GNAO1: variants seen among roughly 807,000 people sequenced by gnomAD.
GNAO1 encodes guanine nucleotide-binding protein G(o) subunit alpha.
For synonymous variants in GNAO1, 164 were observed against 180.7 expected, an observed-to-expected ratio of 0.91 and a Z score of 0.74; for missense variants, 166 against 478.7, an observed-to-expected ratio of 0.35 and a Z score of 6.10.
intron 2 of GNAO1, among the ~76,000 whole-genome samples, chr16:56,221,754 A>G (rs1231376891): frequency 6.6e-6 from 1 of 151,804 alleles, no homozygotes; most frequent in Non-Finnish European, 1.5e-5. Flanking sequence ...GGAAGCTTGT[A>G]CCACGGGGTA....
chr16:56,311,458 AC>A lies in GNAO1; in HGVS notation c.304-17170del, dbSNP rs1182935034. On this transcript the variant is annotated intron_variant, in intron 3 of 8. Coordinates refer to ENST00000262493, the MANE Select transcript of GNAO1 (RefSeq NM_020988.3). This position sits in a 1 kb window ranked among gnomAD's most constrained non-coding sequence, Gnocchi z 5.2. ...CGGGCCTGACCCCATACCCAGAGTC[AC>A]CCAGTGTCTGTCAGGGAAGATGAGG... is the stretch of plus-strand genomic sequence containing the variant. Among the ~76,000 whole-genome samples, 1 of 152,074 alleles carries A rather than the reference AC, an allele frequency of 6.6e-6. No individual in the cohort carries two copies. Among genetic ancestry groups the A allele is most frequent in the Non-Finnish European group, 1.5e-5 (1 of 67,996 alleles).
intron 6 of GNAO1, among the ~76,000 whole-genome samples, chr16:56,350,957 GCA>G (rs2037915252): frequency 6.6e-6 from 1 of 151,660 alleles, no homozygotes; most frequent in South Asian, 2.1e-4. Flanking sequence ...ACACAGGCAT[GCA>G]CACACAGGTG....
intron 3 of GNAO1, chr16:56,302,749 C>G (rs1369866256): frequency 6.6e-6 from 1 of 152,258 alleles, no homozygotes. Context: ...CTGCTAGGAG[C>G]TGCTGCCGTG....
chr16:56,341,486 C>CACCAGG (rs2037802915), intron 6 of GNAO1, among the ~76,000 whole-genome samples: 1 of 152,236 alleles, frequency 6.6e-6, no homozygotes, highest in Non-Finnish European at 1.5e-5. Context: ...AGGGAATGAG[C>CACCAGG]TGATGGGCAC....
chr16:56,324,757 G>A (rs2037614772), intron 3 of GNAO1, among the ~76,000 whole-genome samples: 1 of 152,236 alleles, frequency 6.6e-6, no homozygotes, highest in Non-Finnish European at 1.5e-5. Flanking sequence ...TGGGTTGTTG[G>A]CGATACTGAC....
chr16:56,250,906 T>C (rs2036793409), intron 2 of GNAO1, among the ~76,000 whole-genome samples: 1 of 152,250 alleles, frequency 6.6e-6, no homozygotes, highest in African/African-American at 2.4e-5. Flanking sequence ...TGGAATATGT[T>C]GACTTAGTCC....
intron 2 of GNAO1, among the ~76,000 whole-genome samples, chr16:56,271,724 A>G (rs1409364588): frequency 6.6e-6 from 1 of 152,214 alleles, no homozygotes; most frequent in African/African-American, 2.4e-5. Flanking sequence ...AAGTGCTGGG[A>G]TTACAGGCAT....
At chr16:56,331,762 G>A (rs922294542) in intron 4 of GNAO1, among the ~76,000 whole-genome samples, 1 of 152,110 alleles carries the variant, frequency 6.6e-6, no homozygotes, top group African/African-American at 2.4e-5. Flanking sequence ...TAAACACCTT[G>A]TACACTTGGA....
intron 3 of GNAO1, among the ~76,000 whole-genome samples, chr16:56,291,319 A>G (rs188090193): frequency 6.6e-6 from 1 of 152,342 alleles, no homozygotes; most frequent in Admixed American, 6.5e-5. Context: ...CCTCGTGGCT[A>G]TAACTCATTG....
intron 3 of GNAO1, among the ~76,000 whole-genome samples, chr16:56,314,723 T>A (rs1468997482): frequency 6.6e-6 from 1 of 152,170 alleles, no homozygotes; most frequent in Non-Finnish European, 1.5e-5. Flanking sequence ...GCACCATCCG[T>A]GCAAATGTTA....
intron 2 of GNAO1, among the ~76,000 whole-genome samples, chr16:56,200,942 G>A (rs1270488109): frequency 2.0e-5 from 3 of 152,320 alleles, no homozygotes; most frequent in South Asian, 2.1e-4. Flanking sequence ...GGTGGAGGCA[G>A]GTGTCTTGGA....
intron 2 of GNAO1, among the ~76,000 whole-genome samples, chr16:56,202,481 G>A (rs561668884): frequency 9.8e-5 from 15 of 152,332 alleles, no homozygotes; most frequent in African/African-American, 3.6e-4. Context: ...CTACATGGGA[G>A]TAGCTGGATC....
chr16:56,268,237 G>A (rs1051913374), intron 2 of GNAO1, among the ~76,000 whole-genome samples: 29 of 152,250 alleles, frequency 1.9e-4, no homozygotes, highest in Admixed American at 1.8e-3. Context: ...GCAGGGAAAG[G>A]AACTCTTCAT....
At chr16:56,331,409 C>G (rs2037687182) in intron 4 of GNAO1, among the ~76,000 whole-genome samples, 1 of 152,132 alleles carries the variant, frequency 6.6e-6, no homozygotes, top group African/African-American at 2.4e-5. Flanking sequence ...CCGACGTTTC[C>G]TCTCCTCACC....
chr16:56,289,538 G>A (rs1241483295), intron 3 of GNAO1, among the ~76,000 whole-genome samples: 1 of 152,198 alleles, frequency 6.6e-6, no homozygotes, highest in African/African-American at 2.4e-5. Context: ...CCATGTCTCA[G>A]GGACGCAGGA....
At chr16:56,229,583 A>T (rs375841428) in intron 2 of GNAO1, among the ~76,000 whole-genome samples, 2 of 151,924 alleles carry the variant, frequency 1.3e-5, no homozygotes, top group East Asian at 3.9e-4. Context: ...TCTGCTGACA[A>T]CCAGGCACTG....
chr16:56,238,666 A>G (rs2036664950), intron 2 of GNAO1, among the ~76,000 whole-genome samples: 1 of 152,284 alleles, frequency 6.6e-6, no homozygotes, highest in East Asian at 1.9e-4. Context: ...CACAGCAGAC[A>G]GCAGTAGACT....
chr16:56,228,279 A>G (rs1372956565), intron 2 of GNAO1, among the ~76,000 whole-genome samples: 1 of 152,120 alleles, frequency 6.6e-6, no homozygotes. Flanking sequence ...AGACATACCC[A>G]GAGAGTGGCA....
chr16:56,273,200 G>A (rs1321530153), intron 2 of GNAO1, among the ~76,000 whole-genome samples: 1 of 152,012 alleles, frequency 6.6e-6, no homozygotes, highest in African/African-American at 2.4e-5. Flanking sequence ...TTCTATGTAT[G>A]TTATAAACAT....
Sources: gnomAD v4.1 joint callset for allele counts (sites outside exome capture counted in the v4.1 genomes callset) on GRCh38, gnomAD v4.1.1 for gene constraint, Gnocchi (gnomAD v3.1) non-coding constraint, MANE v1.5 for transcripts, NCBI Gene and HGNC (gene_info 2026-07-23, HGNC 2026-07-21) for gene names.